The following HIVEP2 variants were observed in gnomAD, a reference collection of about 807,000 sequenced individuals.
HIVEP2 encodes HIVEP zinc finger 2, also known as transcription factor HIVEP2.
Under a neutral mutation model 180.7 loss-of-function variants are expected in HIVEP2, and 14 were observed. That is an observed-to-expected ratio of 0.08 (90% CI 0.05 to 0.12). HIVEP2 has a LOEUF of 0.12. Among genes scored for constraint, HIVEP2 ranks in the 10% least tolerant of loss-of-function variants. The probability of loss-of-function intolerance (pLI) is 1.00; values close to 1 mark genes in which losing one functional copy is unlikely to be tolerated. For missense variants in HIVEP2, 2,579 were observed against 3,008.5 expected, an observed-to-expected ratio of 0.86 and a Z score of 3.34; for synonymous variants, 1,184 against 1,136.4, an observed-to-expected ratio of 1.04 and a Z score of -0.84.
intron 1 of HIVEP2, among the ~76,000 whole-genome samples, chr6:142,922,014 G>A (rs145381536): frequency 5.6e-4 from 85 of 152,230 alleles, no homozygotes; most frequent in Non-Finnish European, 9.1e-4. Flanking sequence ...ACTCAACTTC[G>A]TTGGCGTCTA....
At chr6:142,941,447 A>C (rs1255398262) in intron 1 of HIVEP2, among the ~76,000 whole-genome samples, 1 of 152,248 alleles carries the variant, frequency 6.6e-6, no homozygotes, top group Non-Finnish European at 1.5e-5. Context: ...GAACAAAGAG[A>C]AAATACTACT....
chr6:142,912,296 T>C (rs1179697820), intron 1 of HIVEP2, among the ~76,000 whole-genome samples: 3 of 152,212 alleles, frequency 2.0e-5, no homozygotes, highest in Non-Finnish European at 4.4e-5. Context: ...CCTCAGTGTA[T>C]ACAACCATTG....
rs367677918 is a variant in HIVEP2, at chr6:142,760,423, G to A, written c.5865C>T (p.His1955=). The change falls in exon 9 of 10, where the codon CAC becomes CAT. Residue 1955 remains histidine, a synonymous_variant. Coordinates refer to ENST00000367603, the MANE Select transcript of HIVEP2 (RefSeq NM_006734.4). The part of the protein sequence containing the change: ...SLPVNVGAVP[H]GVPSDSSLGH... ...CCAGGGAACTATCTGAAGGAACCCC[G>A]TGGGGTACGGCGCCAACATTCACAG... 9.2e-5 allele frequency: 148 copies of A among 1,614,158 alleles called. No individual in the cohort carries two copies. The highest frequency in any genetic ancestry group is 1.2e-4 in the Non-Finnish European group (138 of 1,180,004).
In HIVEP2 at chr6:142,930,475, C is replaced by T. The variant is rs150369235; in HGVS notation, c.-641+14624G>A. Among the ~76,000 whole-genome samples the T allele has an allele frequency of 4.0e-3, 615 of 152,208 alleles. 5 individuals are homozygous for T. Among genetic ancestry groups the T allele is most frequent in the African/African-American group, 0.014 (581 of 41,490 alleles). On this transcript the variant is annotated intron_variant, in intron 1 of 9. Transcript: ENST00000367603. The stretch of plus-strand genomic sequence containing the variant: ...GGCCTTCAGCACAAATTACTAATGC[C>T]TCAATCCCTTCAAGGCTAGCTAACT...
chr6:142,763,824 C>G (rs549881483), intron 7 of HIVEP2, among the ~76,000 whole-genome samples: 8 of 152,254 alleles, frequency 5.3e-5, no homozygotes, highest in Admixed American at 4.6e-4. Context: ...TGAGGCAATT[C>G]TATTACATAG....
At chr6:142,870,403 C>T (rs1014116736) in intron 1 of HIVEP2, among the ~76,000 whole-genome samples, 2 of 152,106 alleles carry the variant, frequency 1.3e-5, no homozygotes, top group African/African-American at 4.8e-5. Flanking sequence ...ACTTTATAAA[C>T]TGCCAGGCCC....
chr6:142,790,669 G>T (rs1160884296), intron 2 of HIVEP2, among the ~76,000 whole-genome samples: 1 of 152,164 alleles, frequency 6.6e-6, no homozygotes, highest in Non-Finnish European at 1.5e-5. Flanking sequence ...GCCAAGACTA[G>T]CATAAAGAAA....
intron 7 of HIVEP2, among the ~76,000 whole-genome samples, chr6:142,762,437 G>GATCTACA (rs1263390356): frequency 6.8e-6 from 1 of 146,578 alleles, no homozygotes; most frequent in Admixed American, 7.0e-5. Context: ...GTTGACCCAG[G>GATCTACA]ATCTACAGAA....
chr6:142,842,671 T>C (rs762603056), intron 1 of HIVEP2, among the ~76,000 whole-genome samples: 9 of 152,082 alleles, frequency 5.9e-5, no homozygotes, highest in Non-Finnish European at 1.3e-4. Flanking sequence ...CCTGAAAGAC[T>C]GCAAGATGCC....
intron 2 of HIVEP2, among the ~76,000 whole-genome samples, chr6:142,834,926 T>A (rs1443198007): frequency 6.6e-6 from 1 of 152,168 alleles, no homozygotes; most frequent in Non-Finnish European, 1.5e-5. Context: ...TCCATATGCA[T>A]CACGAAAATG....
intron 1 of HIVEP2, among the ~76,000 whole-genome samples, chr6:142,907,934 C>G (rs570866241): frequency 7.2e-5 from 11 of 152,308 alleles, no homozygotes; most frequent in African/African-American, 2.6e-4. Flanking sequence ...AAATTTCAAG[C>G]CACTCCATTA....
rs1189586230 is a variant in HIVEP2 at position 142,771,757 on chromosome 6, A to T, written c.2982T>A (p.Leu994=). 3 of 1,614,070 alleles carry T rather than the reference A, an allele frequency of 1.9e-6. No individual in the cohort carries two copies. Among genetic ancestry groups the T allele is most frequent in the Non-Finnish European group, 2.5e-6 (3 of 1,180,052 alleles). ...GCTTCCCAAACTCATCCTGCTTAGG[A>T]AGTGCAGAAAGCTTACTGGTTTCTT... ...EREETSKLSA[L]PKQDEFGKHS... The change falls in exon 5 of 10, where the codon CTT becomes CTA. Residue 994 remains leucine, a synonymous_variant. Transcript: ENST00000367603. The surrounding 1 kb of genome is among the most constrained non-coding windows in gnomAD (Gnocchi z 5.4).
chr6:142,833,598 A>C (rs1202670710), intron 2 of HIVEP2, among the ~76,000 whole-genome samples: 1 of 152,236 alleles, frequency 6.6e-6, no homozygotes, highest in Non-Finnish European at 1.5e-5. Flanking sequence ...TGAATATGTG[A>C]ATGAAAACTT....
intron 2 of HIVEP2, among the ~76,000 whole-genome samples, chr6:142,816,512 C>A (rs1776840119): frequency 6.6e-6 from 1 of 152,222 alleles, no homozygotes; most frequent in Non-Finnish European, 1.5e-5. Context: ...AGTTCTACTT[C>A]TGAAGTCGCT....
At chr6:142,867,211 C>CT (rs901760741) in intron 1 of HIVEP2, among the ~76,000 whole-genome samples, 21 of 151,562 alleles carry the variant, frequency 1.4e-4, no homozygotes, top group African/African-American at 4.1e-4. Flanking sequence ...ATTTCATAGT[C>CT]TTTTTTTTTC....
intron 8 of HIVEP2, among the ~76,000 whole-genome samples, chr6:142,761,231 A>G (rs1198728891): frequency 6.6e-6 from 1 of 152,238 alleles, no homozygotes; most frequent in Non-Finnish European, 1.5e-5. Flanking sequence ...GGCTCTAAAT[A>G]TAAGTATTTT....
At chr6:142,842,134 G>T (rs1775381825) in intron 1 of HIVEP2, among the ~76,000 whole-genome samples, 1 of 152,132 alleles carries the variant, frequency 6.6e-6, no homozygotes, top group Non-Finnish European at 1.5e-5. Context: ...AAACACAGCT[G>T]AATGGCTTCA....
rs142003027 is a variant in HIVEP2, at chr6:142,900,077, T to G, written c.-641+45022A>C. Among the ~76,000 whole-genome samples the G allele has an allele frequency of 3.8e-3, 575 of 152,320 alleles. 4 individuals carry two copies. The highest frequency in any genetic ancestry group is 0.013 in the African/African-American group (545 of 41,568). The stretch of plus-strand genomic sequence containing the variant: ...TAAATCTTAATAAAAGGTCTAAACC[T>G]TAATAGAGATGATTCTCAGGATAGA... On this transcript the variant is annotated intron_variant, in intron 1 of 9. Coordinates refer to ENST00000367603, the MANE Select transcript of HIVEP2 (RefSeq NM_006734.4).
At chr6:142,906,344 A>T (rs902419758) in intron 1 of HIVEP2, among the ~76,000 whole-genome samples, 1 of 152,092 alleles carries the variant, frequency 6.6e-6, no homozygotes, top group African/African-American at 2.4e-5. Flanking sequence ...AGGTAACAAG[A>T]ATTAATATTT....
Sources: allele counts gnomAD v4.1 joint callset (sites outside exome capture counted in the v4.1 genomes callset), GRCh38; gene constraint gnomAD v4.1.1; non-coding constraint Gnocchi (gnomAD v3.1); transcripts MANE v1.5; gene names NCBI Gene and HGNC (gene_info 2026-07-23, HGNC 2026-07-21).